CELSR1: variants seen among roughly 807,000 people sequenced by gnomAD.
CELSR1 encodes adhesion G protein-coupled receptor C1.
Under a neutral mutation model 249.1 loss-of-function variants are expected in CELSR1, and 110 were observed. The observed-to-expected ratio is 0.44, with a 90% confidence interval of 0.38 to 0.52. CELSR1 has a LOEUF of 0.52. CELSR1 is among the 20% of genes least tolerant of loss of function. The probability of loss-of-function intolerance (pLI) is 0.00; values close to 1 mark genes in which losing one functional copy is unlikely to be tolerated. For missense variants in CELSR1, 4,109 were observed against 4,296.4 expected (o/e 0.96, Z 1.22); for synonymous variants, 2,113 against 1,900.0 (o/e 1.11, Z -2.92).
At position 46,533,876 on chromosome 22, in the gene CELSR1, G is replaced by A. The variant is rs2080819037; in HGVS notation, c.3295C>T (p.Pro1099Ser). 6.2e-7 allele frequency: 1 copy of A among 1,613,724 alleles called. No homozygotes were observed. Among genetic ancestry groups the A allele is most frequent in the Non-Finnish European group, 8.5e-7 (1 of 1,180,028 alleles). The change falls in exon 1 of 35, where the codon CCT becomes TCT. Residue 1099 changes from proline (P) to serine (S), a missense_variant. This residue lies in a region of CELSR1 where 886 missense variants were observed against 896.5 expected (regional missense o/e 0.99). Transcript: ENST00000674500. The part of the protein sequence containing the change: ...ILLVDQNDNP[P>S]VLPDFQILFN... ...AGGATCTGGAAGTCGGGCAGCACAGGCGGGTTGTCATTCTGGTCCACGAGA... is the reference window on the plus strand; with the variant it reads ...AGGATCTGGAAGTCGGGCAGCACAGACGGGTTGTCATTCTGGTCCACGAGA...
intron 1 of CELSR1, among the ~76,000 whole-genome samples, chr22:46,493,413 G>T (rs552777093): frequency 1.4e-4 from 22 of 152,124 alleles, no homozygotes; most frequent in African/African-American, 5.1e-4. Context: ...GGGTGTGGTG[G>T]TGGGCACCTG....
At position 46,391,908 on chromosome 22, in the gene CELSR1, C is replaced by T; in HGVS notation, c.5965-92G>A. The T allele has an allele frequency of 7.3e-7, 1 of 1,368,600 alleles. No homozygotes were observed. Among genetic ancestry groups the T allele is most frequent in the Non-Finnish European group, 9.9e-7 (1 of 1,008,020 alleles). 84.8% of individuals were successfully genotyped at this position (1,368,600 alleles called of 1,614,324 possible). A position where few individuals can be genotyped will look rare whatever the true frequency, so the allele number is the denominator to read the frequency against. On this transcript the variant is annotated intron_variant, in intron 14 of 34. Transcript: ENST00000674500. The surrounding 1 kb of genome is among the most constrained non-coding windows in gnomAD (Gnocchi z 4.3). Reference sequence around the variant, plus strand: ...TTCCCGAGCGACGTCCAGACTCCCACCCGGGTGTGTGTGTTGGCCGCCAGC... The same window carrying T: ...TTCCCGAGCGACGTCCAGACTCCCATCCGGGTGTGTGTGTTGGCCGCCAGC...
rs1448116407 is a variant in CELSR1, at chr22:46,526,711, G to T, written c.3544+6916C>A. 6.6e-6 allele frequency among the ~76,000 whole-genome samples: 1 copy of T among 152,124 alleles called. No individual in the cohort carries two copies. The highest frequency in any genetic ancestry group is 2.4e-5 in the African/African-American group (1 of 41,420). On this transcript the variant is annotated intron_variant, in intron 1 of 34. Transcript: ENST00000674500. The surrounding 1 kb of genome is among the most constrained non-coding windows in gnomAD (Gnocchi z 4.7). ...TTATTCCTGCTCCAGCTCCCAAGCA[G>T]ACTGTTCCCCACCCAGGAGGCTATT... is the stretch of plus-strand genomic sequence containing the variant.
At position 46,437,587 on chromosome 22, in the gene CELSR1, C is replaced by A. The variant is rs757900222; in HGVS notation, c.4407-1298G>T. Among the ~76,000 whole-genome samples the A allele has an allele frequency of 3.9e-5, 6 of 152,054 alleles. No homozygotes were observed. Among genetic ancestry groups the A allele is most frequent in the Non-Finnish European group, 7.4e-5 (5 of 68,008 alleles). On this transcript the variant is annotated intron_variant, in intron 3 of 34. Transcript: ENST00000674500. This position sits in a 1 kb window ranked among gnomAD's most constrained non-coding sequence, Gnocchi z 4.9. Reference sequence around the variant, plus strand: ...CCAACATGGTGAAACCCCGTCTCTACTAAAAATACGAAAATTAGCCGGGCA... The same window carrying A: ...CCAACATGGTGAAACCCCGTCTCTAATAAAAATACGAAAATTAGCCGGGCA...
intron 1 of CELSR1, among the ~76,000 whole-genome samples, chr22:46,511,389 G>A (rs929477713): frequency 1.3e-5 from 2 of 152,182 alleles, no homozygotes; most frequent in African/African-American, 4.8e-5. Flanking sequence ...CTCCTGGCCA[G>A]GCCCTTAAAT....
In CELSR1 at chr22:46,534,360, G is replaced by A. The variant is rs757225910; in HGVS notation, c.2811C>T (p.Gly937=). 1.1e-5 allele frequency: 18 copies of A among 1,612,754 alleles called. No individual in the cohort carries two copies. Among genetic ancestry groups the A allele is most frequent in the East Asian group, 4.5e-5 (2 of 44,892 alleles). ...LLYTFQGGDD[G]DGDFYIEPTS... ...TGGGCTCGATGTAGAAGTCCCCATC[G>A]CCGTCGTCCCCACCCTGGAAGGTGT... The change falls in exon 1 of 35, where the codon GGC becomes GGT. Residue 937 remains glycine (G), a synonymous_variant. Coordinates refer to ENST00000674500, the MANE Select transcript of CELSR1 (RefSeq NM_001378328.1). This position sits in a 1 kb window ranked among gnomAD's most constrained non-coding sequence, Gnocchi z 9.7.
At chr22:46,416,280 AT>A (rs2079400434) in intron 5 of CELSR1, among the ~76,000 whole-genome samples, 1 of 152,254 alleles carries the variant, frequency 6.6e-6, no homozygotes, top group Non-Finnish European at 1.5e-5. Flanking sequence ...CGGGCACAGG[AT>A]GGGCCAAGGC....
rs947507207 is a variant in CELSR1 at position 46,363,114 on chromosome 22, G to C, written c.*109C>G. On this transcript the variant is annotated 3_prime_UTR_variant, in exon 35 of 35. Coordinates refer to ENST00000674500, the MANE Select transcript of CELSR1 (RefSeq NM_001378328.1). This position sits in a 1 kb window ranked among gnomAD's most constrained non-coding sequence, Gnocchi z 4.3. ...CTGGGCCCACTCCACTTCAAGGGCA[G>C]TGGCCCCTTGGGCTCCAAGGTCTGA... 6.2e-7 allele frequency: 1 copy of C among 1,611,942 alleles called. No individual in the cohort carries two copies. The highest frequency in any genetic ancestry group is 1.3e-5 in the African/African-American group (1 of 75,024).
intron 14 of CELSR1, among the ~76,000 whole-genome samples, chr22:46,392,967 G>A (rs1270270349): frequency 6.6e-6 from 1 of 152,174 alleles, no homozygotes. Flanking sequence ...GGTGACGTGT[G>A]GACCGACCCT....
In CELSR1 at chr22:46,409,544, G is replaced by A. The variant is rs929262640; in HGVS notation, c.5059+211C>T. Among the ~76,000 whole-genome samples, 1 of 152,142 alleles carries A rather than the reference G, an allele frequency of 6.6e-6. No individual in the cohort carries two copies. The highest frequency in any genetic ancestry group is 2.4e-5 in the African/African-American group (1 of 41,428). Reference sequence around the variant, plus strand: ...AGCCTACCTGTCCCACCCCACACCTGAGGGACTGGGGACCCCAGAAGCAGG... The same window carrying A: ...AGCCTACCTGTCCCACCCCACACCTAAGGGACTGGGGACCCCAGAAGCAGG... On this transcript the variant is annotated intron_variant, in intron 8 of 34. Transcript: ENST00000674500. This position sits in a 1 kb window ranked among gnomAD's most constrained non-coding sequence, Gnocchi z 9.8.
At chr22:46,475,213 G>T (rs1354980751) in intron 1 of CELSR1, among the ~76,000 whole-genome samples, 2 of 152,056 alleles carry the variant, frequency 1.3e-5, no homozygotes, top group African/African-American at 4.8e-5. Flanking sequence ...AGCATTAGAT[G>T]AGTCAGGATA....
chr22:46,371,651 CCACT>C (rs2078852414), intron 25 of CELSR1, among the ~76,000 whole-genome samples: 3 of 151,320 alleles, frequency 2.0e-5, no homozygotes, highest in Non-Finnish European at 4.4e-5. Flanking sequence ...ATCCATCCAC[CCACT>C]CATCTCTCCA....
chr22:46,461,357 C>T (rs1229111653), intron 2 of CELSR1, among the ~76,000 whole-genome samples: 3 of 152,180 alleles, frequency 2.0e-5, no homozygotes, highest in African/African-American at 2.4e-5. Flanking sequence ...ATGACTCTCC[C>T]GATGAAAAGA....
In CELSR1 at chr22:46,386,418, G is replaced by A. The variant is rs553297616; in HGVS notation, c.6723C>T (p.Ile2241=). 113 of 1,582,676 alleles carry A rather than the reference G, an allele frequency of 7.1e-5. 1 individual carries two copies. Among genetic ancestry groups the A allele is most frequent in the Middle Eastern group, 5.9e-4 (3 of 5,054 alleles). Residue 2241 remains isoleucine, a synonymous_variant, in exon 19 of 35, where the codon ATC becomes ATT. Coordinates refer to ENST00000674500, the MANE Select transcript of CELSR1 (RefSeq NM_001378328.1). Reference sequence around the variant, plus strand: ...GCGCCTTACTCATGTTGGCGGTGACGATGACGAAGGGCCGCAGGTACGTCC... The same window carrying A: ...GCGCCTTACTCATGTTGGCGGTGACAATGACGAAGGGCCGCAGGTACGTCC... The part of the protein sequence containing the change: ...VRRTYLRPFV[I]VTANMILAVD...
chr22:46,425,033 G>C (rs1002041695), intron 5 of CELSR1, among the ~76,000 whole-genome samples: 8 of 152,210 alleles, frequency 5.3e-5, no homozygotes, highest in Admixed American at 3.3e-4. Flanking sequence ...TGGTCCTTTT[G>C]GGGGTTGCCT....
chr22:46,387,254 C>G (rs2079043054), intron 18 of CELSR1, among the ~76,000 whole-genome samples: 1 of 152,186 alleles, frequency 6.6e-6, no homozygotes, highest in Admixed American at 6.5e-5. Context: ...AACAAAAAAT[C>G]AACTACATGA....
intron 1 of CELSR1, among the ~76,000 whole-genome samples, chr22:46,511,117 A>AACACAC (rs10694625): frequency 1.6e-4 from 24 of 149,860 alleles, no homozygotes; most frequent in East Asian, 1.4e-3. Context: ...TCGTCTCAAA[A>AACACAC]ACACACACAC....
At chr22:46,421,538 C>G (rs1009521307) in intron 5 of CELSR1, among the ~76,000 whole-genome samples, 2 of 152,172 alleles carry the variant, frequency 1.3e-5, no homozygotes, top group South Asian at 4.2e-4. Context: ...TGTTTGGGAA[C>G]GGAAACCAAG....
chr22:46,442,061 T>C (rs553027019), intron 2 of CELSR1, among the ~76,000 whole-genome samples: 64 of 152,240 alleles, frequency 4.2e-4, no homozygotes, highest in Non-Finnish European at 7.1e-4. Flanking sequence ...GGCAGGAGAA[T>C]TGCTTAAATC....
Sources: allele counts gnomAD v4.1 joint callset (sites outside exome capture counted in the v4.1 genomes callset), GRCh38; gene constraint gnomAD v4.1.1; regional missense constraint gnomAD v4.1.1; non-coding constraint Gnocchi (gnomAD v3.1); transcripts MANE v1.5; gene names NCBI Gene and HGNC (gene_info 2026-07-23, HGNC 2026-07-21).